BTG4: variants seen among roughly 807,000 people sequenced by gnomAD.
BTG4 encodes the protein protein BTG4.
BTG4 carries 10 observed loss-of-function variants against 19.3 expected under a neutral mutation model. The ratio of observed to expected loss-of-function variants is 0.52; its 90% CI spans 0.32 to 0.88. The LOEUF (loss-of-function observed/expected upper bound fraction) is 0.88, where lower values mean the gene tolerates loss of function less well. BTG4 is among the 40% of genes least tolerant of loss of function. The pLI, the probability that BTG4 is intolerant of heterozygous loss-of-function variation, is 0.04. For missense variants in BTG4, 238 were observed against 281.9 expected (o/e 0.84, Z 1.11); for synonymous variants, 91 against 95.7 (o/e 0.95, Z 0.29).
At position 111,495,130 on chromosome 11, in the gene BTG4, C is replaced by A; in HGVS notation, c.*5G>T. The A allele has an allele frequency of 6.6e-7, 1 of 1,526,202 alleles. No homozygotes were observed. Among genetic ancestry groups the A allele is most frequent in the Non-Finnish European group, 8.8e-7 (1 of 1,138,776 alleles). 94.5% of individuals were successfully genotyped at this position (1,526,202 alleles called of 1,614,324 possible). The stretch of plus-strand genomic sequence containing the variant: ...CTCTTGCCCACCACGTGCCCAGTCG[C>A]TGCGTCATCGGTGTGTGTTGACCCA... On this transcript the variant is annotated 3_prime_UTR_variant, in exon 5 of 5. Transcript: ENST00000692032.
the BTG4 span, among the ~76,000 whole-genome samples, chr11:111,434,152 A>G: frequency 6.6e-6 from 1 of 152,212 alleles, no homozygotes; most frequent in African/African-American, 2.4e-5. Flanking sequence ...AACCAACCCA[A>G]ATGTCCATCA....
the BTG4 span, among the ~76,000 whole-genome samples, chr11:111,397,280 A>T: frequency 2.2e-3 from 335 of 152,160 alleles, 2 homozygotes; most frequent in South Asian, 7.1e-3. Context: ...TGCCCTTCCA[A>T]TTGCCCTTAG....
the BTG4 span, among the ~76,000 whole-genome samples, chr11:111,386,640 C>T: frequency 6.6e-6 from 1 of 152,114 alleles, no homozygotes; most frequent in Non-Finnish European, 1.5e-5. Context: ...TCATGAGAGT[C>T]TCAAGGTTAA....
chr11:111,446,819 G>A, the BTG4 span, among the ~76,000 whole-genome samples: 3 of 152,200 alleles, frequency 2.0e-5, no homozygotes, highest in Admixed American at 2.0e-4. Flanking sequence ...ACACCCAGAA[G>A]AGAAGTGGCT....
the BTG4 span, among the ~76,000 whole-genome samples, chr11:111,392,835 T>A: frequency 6.6e-6 from 1 of 152,120 alleles, no homozygotes; most frequent in Non-Finnish European, 1.5e-5. Context: ...ACCAACCTTG[T>A]CTCCTCTGGG....
chr11:111,385,993 A>G, the BTG4 span: 3 of 152,064 alleles, frequency 2.0e-5, no homozygotes, highest in African/African-American at 7.2e-5. Context: ...GTGAGACCCC[A>G]TTTCCACAAA....
chr11:111,442,282 C>T, the BTG4 span, among the ~76,000 whole-genome samples: 2 of 151,416 alleles, frequency 1.3e-5, no homozygotes, highest in African/African-American at 4.9e-5. Flanking sequence ...AGGTGGATCA[C>T]TTGAGGTCAG....
At chr11:111,398,540 G>A in the BTG4 span, among the ~76,000 whole-genome samples, 1 of 151,936 alleles carries the variant, frequency 6.6e-6, no homozygotes, top group Non-Finnish European at 1.5e-5. Context: ...TGCATGCTCT[G>A]CCTCCTGGGT....
At chr11:111,440,663 T>A in the BTG4 span, among the ~76,000 whole-genome samples, 1 of 152,232 alleles carries the variant, frequency 6.6e-6, no homozygotes, top group Non-Finnish European at 1.5e-5. Flanking sequence ...CCTTTTCAGA[T>A]TTTTGTTCAC....
chr11:111,452,752 T>C, the BTG4 span, among the ~76,000 whole-genome samples: 2 of 152,164 alleles, frequency 1.3e-5, no homozygotes, highest in Non-Finnish European at 2.9e-5. Flanking sequence ...TCAGCAAATA[T>C]AATGGAGCTA....
the BTG4 span, among the ~76,000 whole-genome samples, chr11:111,391,284 A>C: frequency 1.3e-5 from 2 of 152,044 alleles, no homozygotes; most frequent in African/African-American, 4.8e-5. Context: ...CCAAACTCAT[A>C]CTGTTCAGAG....
At chr11:111,421,750 T>C in the BTG4 span, among the ~76,000 whole-genome samples, 1 of 151,996 alleles carries the variant, frequency 6.6e-6, no homozygotes, top group Admixed American at 6.6e-5. Flanking sequence ...CCATCTCTAC[T>C]AAAAATACAA....
At chr11:111,395,573 T>A in the BTG4 span, among the ~76,000 whole-genome samples, 1 of 152,282 alleles carries the variant, frequency 6.6e-6, no homozygotes, top group Non-Finnish European at 1.5e-5. Flanking sequence ...ATGAAAAGGC[T>A]GTTCAAATGA....
chr11:111,386,968 G>C, the BTG4 span, among the ~76,000 whole-genome samples: 12 of 152,212 alleles, frequency 7.9e-5, no homozygotes. Flanking sequence ...TTTGGAATCT[G>C]GCTGCAGTGC....
chr11:111,424,354 G>A, the BTG4 span, among the ~76,000 whole-genome samples: 1 of 152,226 alleles, frequency 6.6e-6, no homozygotes, highest in Non-Finnish European at 1.5e-5. Context: ...AAACAAAGGA[G>A]TCAAGAGGAA....
intron 5 of BTG4, among the ~76,000 whole-genome samples, chr11:111,479,438 T>C (rs918034361): frequency 6.6e-6 from 1 of 152,086 alleles, no homozygotes; most frequent in Non-Finnish European, 1.5e-5. Flanking sequence ...AGTGAGACCC[T>C]GTTCTCTATT....
At chr11:111,498,217 T>C (rs1865856734) in intron 2 of BTG4, 82 bp from the exon 3 acceptor site, 2 of 1,478,586 alleles carry the variant, frequency 1.4e-6, no homozygotes, top group African/African-American at 2.8e-5. Flanking sequence ...ACTGTTCCAA[T>C]ACACATAGCT....
chr11:111,447,200 A>G, the BTG4 span, among the ~76,000 whole-genome samples: 14 of 152,232 alleles, frequency 9.2e-5, no homozygotes. Flanking sequence ...TGAATGCTTT[A>G]TCCGATACAT....
At chr11:111,493,800 T>A (rs922236041), downstream of BTG4, among the ~76,000 whole-genome samples, 3 of 152,132 alleles carry the variant, frequency 2.0e-5, no homozygotes, top group Admixed American at 2.0e-4. Context: ...CTATGTGCCC[T>A]AATGAACCAT....
Sources: allele counts gnomAD v4.1 joint callset (sites outside exome capture counted in the v4.1 genomes callset), GRCh38; gene constraint gnomAD v4.1.1; transcripts MANE v1.5; gene names NCBI Gene and HGNC (gene_info 2026-07-23, HGNC 2026-07-21).